The following SLC12A1 variants were observed in gnomAD, a reference collection of about 807,000 sequenced individuals.
The protein encoded by SLC12A1 is solute carrier family 12 member 1.
SLC12A1 carries 89 observed loss-of-function variants against 130.4 expected under a neutral mutation model. That is an observed-to-expected ratio of 0.68 (90% CI 0.58 to 0.81). The LOEUF is 0.81. SLC12A1 is among the 40% of genes least tolerant of loss of function. The pLI is 0.00. For missense variants in SLC12A1, 1,310 were observed against 1,336.4 expected, an observed-to-expected ratio of 0.98 and a Z score of 0.31; for synonymous variants, 499 against 460.0, an observed-to-expected ratio of 1.08 and a Z score of -1.09.
At chr15:48,257,569 C>G (rs972342167) in intron 16 of SLC12A1, among the ~76,000 whole-genome samples, 1 of 152,198 alleles carries the variant, frequency 6.6e-6, no homozygotes, top group East Asian at 1.9e-4. Context: ...CCCACAGGAC[C>G]AACACCACAT....
At chr15:48,273,100 C>CAAAA (rs58343718) in intron 19 of SLC12A1, among the ~76,000 whole-genome samples, 11,622 of 81,380 alleles carry the variant, frequency 0.14, 633 homozygotes, top group Middle Eastern at 0.24. Context: ...GTCAGACTGT[C>CAAAA]AAAAAAAAAA....
At chr15:48,243,519 G>C (rs1439316644) in intron 10 of SLC12A1, among the ~76,000 whole-genome samples, 1 of 152,192 alleles carries the variant, frequency 6.6e-6, no homozygotes, top group East Asian at 1.9e-4. Context: ...ATCCGGGCAT[G>C]GTGGCAGGCA....
rs200322981 is a variant in SLC12A1, at chr15:48,229,325, T to C, written c.861T>C (p.Leu287=). The change falls in exon 6 of 27, where the codon CTT becomes CTC. Residue 287 remains leucine (L), a synonymous_variant. Coordinates refer to ENST00000380993, the MANE Select transcript of SLC12A1 (RefSeq NM_000338.3). The part of the protein sequence containing the change: ...VGFAETVVDL[L]KESDSMMVDP... ...TTGCTGAGACTGTAGTAGATCTTCT[T>C]AAGGTAATTAAAAGCTTTTCTTTTT... 1.3e-6 allele frequency: 2 copies of C among 1,592,940 alleles called. No individual in the cohort carries two copies. Among genetic ancestry groups the C allele is most frequent in the African/African-American group, 2.7e-5 (2 of 74,814 alleles).
chr15:48,289,799 T>A (rs2042101062), intron 23 of SLC12A1, among the ~76,000 whole-genome samples: 1 of 152,184 alleles, frequency 6.6e-6, no homozygotes. Flanking sequence ...CTTGCAGGAC[T>A]GGCAGTTGCT....
intron 19 of SLC12A1, among the ~76,000 whole-genome samples, chr15:48,271,151 G>A (rs1033734381): frequency 2.6e-5 from 4 of 152,050 alleles, no homozygotes; most frequent in South Asian, 4.1e-4. Flanking sequence ...GGTGAAGGTT[G>A]CAGTGAGCTG....
chr15:48,227,013 C>T, intron 5 of SLC12A1: 2 of 985,460 alleles, frequency 2.0e-6, no homozygotes. Flanking sequence ...CAGACTGCTG[C>T]CTCCTGAAGT....
intron 9 of SLC12A1, 62 bp from the exon 10 acceptor site, chr15:48,241,453 C>T: frequency 7.8e-7 from 1 of 1,289,736 alleles, no homozygotes; most frequent in South Asian, 1.2e-5. Flanking sequence ...AAAATAACTC[C>T]AAGTGATCTA....
chr15:48,271,390 A>C (rs930686893), intron 19 of SLC12A1, among the ~76,000 whole-genome samples: 1 of 152,184 alleles, frequency 6.6e-6, no homozygotes, highest in African/African-American at 2.4e-5. Flanking sequence ...TACAGGGTAC[A>C]TGACATACCC....
intron 17 of SLC12A1, among the ~76,000 whole-genome samples, chr15:48,259,921 A>G (rs185011047): frequency 6.4e-4 from 97 of 152,302 alleles, no homozygotes; most frequent in African/African-American, 2.3e-3. Flanking sequence ...TAGTAATTTA[A>G]TCATAACTGT....
rs758961147 is a variant in SLC12A1, at chr15:48,267,643, CT to C, written c.2242del (p.Tyr748MetfsTer22). ...QAWLIKNKIK[A>X]FYAAVAADCF... ...TGGCTTATAAAGAACAAAATCAAGG[CT>C]TTTTATGCTGCAGTGGCGGCAGACT... On this transcript the variant is annotated frameshift_variant, in exon 18 of 27. Coordinates refer to ENST00000380993, the MANE Select transcript of SLC12A1 (RefSeq NM_000338.3). LOFTEE classifies it high-confidence loss of function. The C allele has an allele frequency of 3.1e-6, 5 of 1,613,432 alleles. No homozygotes were observed. Among genetic ancestry groups the C allele is most frequent in the Non-Finnish European group, 4.2e-6 (5 of 1,179,622 alleles).
At chr15:48,301,505 G>GGGGGGT in intron 26 of SLC12A1, 123 bp downstream of exon 26, 1 of 553,314 alleles carries the variant, frequency 1.8e-6, no homozygotes, top group Non-Finnish European at 3.0e-6. Flanking sequence ...TTTTTTTTGG[G>GGGGGGT]GGGGGGAACA....
intron 6 of SLC12A1, 35 bp downstream of exon 6, chr15:48,229,363 G>A: frequency 6.4e-7 from 1 of 1,559,466 alleles, no homozygotes; most frequent in South Asian, 1.2e-5. Context: ...CTGCCAAGCA[G>A]CATAATTTAG....
intron 2 of SLC12A1, among the ~76,000 whole-genome samples, chr15:48,212,618 A>G (rs1333920788): frequency 6.6e-6 from 1 of 152,190 alleles, no homozygotes; most frequent in Non-Finnish European, 1.5e-5. Context: ...GGACTAACCA[A>G]AATGGAACTC....
chr15:48,217,627 T>C (rs1275300241), intron 2 of SLC12A1, among the ~76,000 whole-genome samples: 5 of 152,154 alleles, frequency 3.3e-5, no homozygotes, highest in African/African-American at 1.2e-4. Flanking sequence ...TCCCTTCTTC[T>C]TCCCTTTTAA....
At chr15:48,270,378 C>T (rs1374900834) in intron 19 of SLC12A1, among the ~76,000 whole-genome samples, 1 of 151,988 alleles carries the variant, frequency 6.6e-6, no homozygotes, top group African/African-American at 2.4e-5. Context: ...CATGTATTAT[C>T]TCATTTAATT....
chr15:48,299,894 A>G (rs891470440), intron 25 of SLC12A1, among the ~76,000 whole-genome samples: 9 of 152,196 alleles, frequency 5.9e-5, no homozygotes, highest in African/African-American at 2.2e-4. Flanking sequence ...TAAGTAGAAG[A>G]ATTGACACCT....
At chr15:48,294,515 T>A (rs1679030956) in intron 24 of SLC12A1, among the ~76,000 whole-genome samples, 1 of 152,200 alleles carries the variant, frequency 6.6e-6, no homozygotes, top group Admixed American at 6.5e-5. Context: ...ATAAGAAAAA[T>A]TAAGAACATA....
At chr15:48,240,864 T>G (rs1176827728) in intron 9 of SLC12A1, among the ~76,000 whole-genome samples, 1 of 152,212 alleles carries the variant, frequency 6.6e-6, no homozygotes, top group Non-Finnish European at 1.5e-5. Context: ...TTAAGTATGA[T>G]GTGAACTCAA....
At chr15:48,224,061 A>T (rs2041251314) in intron 4 of SLC12A1, 1 of 152,338 alleles carries the variant, frequency 6.6e-6, no homozygotes, top group Non-Finnish European at 1.5e-5. Context: ...GCATGGCCAG[A>T]GAGATCACAG....
Sources: gnomAD v4.1 joint callset for allele counts (sites outside exome capture counted in the v4.1 genomes callset) on GRCh38, gnomAD v4.1.1 for gene constraint, MANE v1.5 for transcripts, NCBI Gene and HGNC (gene_info 2026-07-23, HGNC 2026-07-21) for gene names.